Variants in PDE4D observed in about 807,000 individuals in gnomAD.
PDE4D encodes the protein phosphodiesterase 4D.
Under a neutral mutation model 87.4 loss-of-function variants are expected in PDE4D, and 24 were observed. The ratio of observed to expected loss-of-function variants is 0.27; its 90% CI spans 0.20 to 0.39. The LOEUF (loss-of-function observed/expected upper bound fraction) is 0.39. PDE4D is among the 10% of genes least tolerant of loss of function. The pLI is 1.00. For missense variants in PDE4D, 714 were observed against 1,041.0 expected, an observed-to-expected ratio of 0.69 and a Z score of 4.32; for synonymous variants, 384 against 383.2, an observed-to-expected ratio of 1.00 and a Z score of -0.02.
intron 1 of PDE4D, among the ~76,000 whole-genome samples, chr5:60,418,173 G>A (rs1255052084): frequency 1.8e-5 from 2 of 112,372 alleles, no homozygotes; most frequent in East Asian, 5.2e-4. Context: ...GTGAGGTAAA[G>A]GGAAAAAAAA....
intron 2 of PDE4D, among the ~76,000 whole-genome samples, chr5:60,011,022 G>T (rs1364704853): frequency 6.6e-6 from 1 of 152,174 alleles, no homozygotes; most frequent in East Asian, 1.9e-4. Flanking sequence ...TGTTTCTCAG[G>T]AGAGGACTGA....
intron 3 of PDE4D, among the ~76,000 whole-genome samples, chr5:59,968,393 T>A (rs1760311904): frequency 1.3e-5 from 2 of 152,048 alleles, no homozygotes; most frequent in South Asian, 4.1e-4. Flanking sequence ...GACATATGTA[T>A]AAATATGGGA....
chr5:59,988,759 T>C (rs1000934792), intron 2 of PDE4D: 5 of 1,114,548 alleles, frequency 4.5e-6, no homozygotes, highest in Non-Finnish European at 6.6e-6. Flanking sequence ...TCAACAAAAA[T>C]CACACTGTTT....
At chr5:59,348,878 G>A (rs753747668) in intron 1 of PDE4D, among the ~76,000 whole-genome samples, 14 of 151,840 alleles carry the variant, frequency 9.2e-5, no homozygotes, top group Non-Finnish European at 1.6e-4. Context: ...GATAACTTGA[G>A]GCCAAGTATT....
At chr5:59,883,058 C>A (rs535935261) in intron 1 of PDE4D, among the ~76,000 whole-genome samples, 2 of 152,250 alleles carry the variant, frequency 1.3e-5, no homozygotes, top group African/African-American at 4.8e-5. Context: ...GGATTACAGG[C>A]GTGAGCCAAG....
chr5:59,288,373 T>TGA (rs1166437528), intron 1 of PDE4D, among the ~76,000 whole-genome samples: 1 of 151,848 alleles, frequency 6.6e-6, no homozygotes, highest in Non-Finnish European at 1.5e-5. Flanking sequence ...ACTGTGAGCT[T>TGA]GAAGACAGCC....
At chr5:59,127,764 T>G (rs1451683156) in intron 5 of PDE4D, among the ~76,000 whole-genome samples, 1 of 152,002 alleles carries the variant, frequency 6.6e-6, no homozygotes, top group South Asian at 2.1e-4. Flanking sequence ...TAGTGCGACA[T>G]CAGAAACCAG....
chr5:59,345,119 G>GA (rs538259446), intron 1 of PDE4D, among the ~76,000 whole-genome samples: 8 of 152,002 alleles, frequency 5.3e-5, no homozygotes, highest in East Asian at 1.9e-4. Context: ...AAAATAAAGG[G>GA]AAAAAAACCT....
chr5:59,990,215 G>C (rs916735741), intron 2 of PDE4D, among the ~76,000 whole-genome samples: 8 of 152,112 alleles, frequency 5.3e-5, no homozygotes, highest in African/African-American at 1.9e-4. Flanking sequence ...TGAAGACTGA[G>C]ATAATAATAT....
At chr5:59,015,264 T>C (rs1281675014) in intron 6 of PDE4D, among the ~76,000 whole-genome samples, 10 of 151,868 alleles carry the variant, frequency 6.6e-5, no homozygotes, top group Non-Finnish European at 1.2e-4. Flanking sequence ...AGAGCCAAAA[T>C]TGACAAATGG....
chr5:59,940,613 T>C (rs1173224398), intron 3 of PDE4D, among the ~76,000 whole-genome samples: 1 of 152,108 alleles, frequency 6.6e-6, no homozygotes, highest in East Asian at 1.9e-4. Context: ...CACTGGGAGA[T>C]AGAGGGAGTT....
intron 1 of PDE4D, among the ~76,000 whole-genome samples, chr5:59,657,539 C>A (rs1166773715): frequency 6.6e-6 from 1 of 152,128 alleles, no homozygotes; most frequent in South Asian, 2.1e-4. Flanking sequence ...AGCAACTCTG[C>A]ATATTTCCCT....
At chr5:60,248,896 T>A (rs1219425941) in intron 1 of PDE4D, among the ~76,000 whole-genome samples, 1 of 151,950 alleles carries the variant, frequency 6.6e-6, no homozygotes, top group Non-Finnish European at 1.5e-5. Flanking sequence ...CTAATCACTC[T>A]CAGAACAACA....
chr5:59,684,148 C>T lies in PDE4D; in HGVS notation c.455+209020G>A, dbSNP rs575574294. 4.6e-5 allele frequency among the ~76,000 whole-genome samples: 7 copies of T among 152,312 alleles called. No individual in the cohort carries two copies. The East Asian group carries it at 9.7e-4, about 21-fold the overall frequency. ...GCTAGTCACCCTCCAAGACAAAACTCAATGTCAAGTCCTGCTTTAAATCCT... is the reference window on the plus strand; with the variant it reads ...GCTAGTCACCCTCCAAGACAAAACTTAATGTCAAGTCCTGCTTTAAATCCT... On this transcript the variant is annotated intron_variant, in intron 1 of 14. Coordinates refer to ENST00000340635, the MANE Select transcript of PDE4D (RefSeq NM_001104631.2).
At chr5:59,205,239 C>G (rs932707759) in intron 2 of PDE4D, among the ~76,000 whole-genome samples, 15 of 151,932 alleles carry the variant, frequency 9.9e-5, no homozygotes, top group African/African-American at 3.6e-4. Context: ...TTGGAAAATT[C>G]TTTTATTCTG....
chr5:60,139,785 T>C (rs1398728452), intron 2 of PDE4D, among the ~76,000 whole-genome samples: 1 of 152,060 alleles, frequency 6.6e-6, no homozygotes, highest in Non-Finnish European at 1.5e-5. Flanking sequence ...ATTTAATATA[T>C]TTAAACACAC....
At chr5:59,287,482 G>A (rs957375266) in intron 1 of PDE4D, among the ~76,000 whole-genome samples, 2 of 152,138 alleles carry the variant, frequency 1.3e-5, no homozygotes, top group Admixed American at 6.5e-5. Context: ...AGGACTAGGA[G>A]GAACTAGTTG....
intron 1 of PDE4D, chr5:59,586,731 C>G: frequency 1.0e-6 from 1 of 985,394 alleles, no homozygotes; most frequent in Non-Finnish European, 1.2e-6. Context: ...TAAATTAATG[C>G]ATCCTTAAGG....
intron 1 of PDE4D, among the ~76,000 whole-genome samples, chr5:59,856,487 G>A (rs61229155): frequency 0.031 from 4,677 of 152,258 alleles, 109 homozygotes; most frequent in African/African-American, 0.055. Context: ...TCGTAGTGAT[G>A]AGCACATGAC....
Sources: gnomAD v4.1 joint callset for allele counts (sites outside exome capture counted in the v4.1 genomes callset) on GRCh38, gnomAD v4.1.1 for gene constraint, MANE v1.5 for transcripts, NCBI Gene and HGNC (gene_info 2026-07-23, HGNC 2026-07-21) for gene names.